Variants in GPR160 observed in about 807,000 individuals in gnomAD.
GPR160 encodes the protein G protein-coupled receptor 160.
GPR160 carries 2 observed loss-of-function variants against 2.6 expected under a neutral mutation model. The ratio of observed to expected loss-of-function variants is 0.77; its 90% CI spans 0.32 to 2.44. GPR160 has a LOEUF of 2.44. Among genes scored for constraint, GPR160 ranks in the 30% most tolerant of loss-of-function variants. The probability of loss-of-function intolerance (pLI) is 0.11; values close to 1 mark genes in which losing one functional copy is unlikely to be tolerated. For missense variants in GPR160, 351 were observed against 383.6 expected, an observed-to-expected ratio of 0.91 and a Z score of 0.71; for synonymous variants, 130 against 132.2, an observed-to-expected ratio of 0.98 and a Z score of 0.12.
intron 2 of GPR160, among the ~76,000 whole-genome samples, chr3:170,064,099 TG>T (rs200681576): frequency 5.9e-5 from 9 of 151,484 alleles, no homozygotes; most frequent in South Asian, 2.1e-4. Flanking sequence ...TGTATTTTTT[TG>T]GGGGGGGCAT....
intron 2 of GPR160, among the ~76,000 whole-genome samples, chr3:170,046,520 A>T (rs1309035292): frequency 6.6e-6 from 1 of 152,138 alleles, no homozygotes; most frequent in African/African-American, 2.4e-5. Flanking sequence ...ACCTGGGGAT[A>T]AGCATATCTA....
intron 2 of GPR160, among the ~76,000 whole-genome samples, chr3:170,065,431 A>T (rs769066078): frequency 3.3e-5 from 5 of 152,194 alleles, no homozygotes; most frequent in Non-Finnish European, 7.3e-5. Context: ...TGCCTAGATA[A>T]TCTTCACCAA....
intron 2 of GPR160, among the ~76,000 whole-genome samples, chr3:170,069,344 T>C (rs143756878): frequency 6.6e-4 from 101 of 152,358 alleles, no homozygotes; most frequent in African/African-American, 2.0e-3. Context: ...GAGGTATAAA[T>C]TGGGTTGCGA....
intron 2 of GPR160, among the ~76,000 whole-genome samples, chr3:170,070,785 C>T (rs1379943402): frequency 6.6e-6 from 1 of 152,148 alleles, no homozygotes; most frequent in Non-Finnish European, 1.5e-5. Flanking sequence ...AAAGAAGGCA[C>T]TGTTCATTGG....
intron 2 of GPR160, among the ~76,000 whole-genome samples, chr3:170,066,331 G>A (rs570969214): frequency 2.0e-5 from 3 of 151,330 alleles, no homozygotes; most frequent in Non-Finnish European, 2.9e-5. Flanking sequence ...TAGTAGAGAC[G>A]GGTTTCACCA....
chr3:170,041,402 C>T (rs1716446466), intron 2 of GPR160, among the ~76,000 whole-genome samples: 2 of 150,688 alleles, frequency 1.3e-5, no homozygotes, highest in East Asian at 2.0e-4. Context: ...CCCGGGTTCA[C>T]GCCATTCTCC....
At position 170,042,139 on chromosome 3, in the gene GPR160, T is replaced by C. The variant is rs79258667; in HGVS notation, c.-193+3096T>C. 2.6e-5 allele frequency among the ~76,000 whole-genome samples: 4 copies of C among 152,314 alleles called. No individual in the cohort carries two copies. In the East Asian group the frequency reaches 7.7e-4, roughly 29 times the overall value. ...TCATCTGCATCACCTCATCCCATCC[T>C]GTGAGGCGAAGCAGTGGTGATAGAG... is the stretch of plus-strand genomic sequence containing the variant. On this transcript the variant is annotated intron_variant, in intron 2 of 3. Coordinates refer to ENST00000355897, the MANE Select transcript of GPR160 (RefSeq NM_014373.3).
intron 2 of GPR160, among the ~76,000 whole-genome samples, chr3:170,071,660 G>A (rs867564265): frequency 6.6e-5 from 10 of 152,152 alleles, no homozygotes; most frequent in African/African-American, 2.4e-4. Context: ...GCCGGGCATG[G>A]TGGTACATGC....
At chr3:170,054,345 A>G (rs963164901) in intron 2 of GPR160, among the ~76,000 whole-genome samples, 2 of 152,100 alleles carry the variant, frequency 1.3e-5, no homozygotes, top group Non-Finnish European at 2.9e-5. Context: ...TATCCAGAAA[A>G]CTGTCTCTTC....
intron 2 of GPR160, among the ~76,000 whole-genome samples, chr3:170,052,929 G>A (rs535751773): frequency 2.0e-5 from 3 of 151,462 alleles, no homozygotes; most frequent in Non-Finnish European, 2.9e-5. Context: ...TTTTTCATAC[G>A]GTTATCCAGT....
chr3:170,046,728 CT>C (rs1472692724), intron 2 of GPR160, among the ~76,000 whole-genome samples: 1 of 152,104 alleles, frequency 6.6e-6, no homozygotes, highest in Non-Finnish European at 1.5e-5. Flanking sequence ...AAAGGGCTAT[CT>C]GGTTTGATCT....
Position 170,084,317 on chromosome 3 carries a change from A to G in GPR160, c.345A>G (p.Thr115=). Residue 115 remains threonine (T), a synonymous_variant, in exon 4 of 4, where the codon ACA becomes ACG. Coordinates refer to ENST00000355897, the MANE Select transcript of GPR160 (RefSeq NM_014373.3). ...TTTTGCATTATCCAGTTTTCCTGACAGCTTGTATAGATTATTGCCTGAATT... is the reference window on the plus strand; with the variant it reads ...TTTTGCATTATCCAGTTTTCCTGACGGCTTGTATAGATTATTGCCTGAATT... The part of the protein sequence containing the change: ...YGFLHYPVFL[T]ACIDYCLNFS... 1 of 1,608,402 alleles carries G rather than the reference A, an allele frequency of 6.2e-7. No homozygotes were observed. The highest frequency in any genetic ancestry group is 8.5e-7 in the Non-Finnish European group (1 of 1,176,578).
chr3:170,073,792 T>C (rs1712714066), intron 2 of GPR160, among the ~76,000 whole-genome samples: 1 of 152,106 alleles, frequency 6.6e-6, no homozygotes, highest in African/African-American at 2.4e-5. Context: ...TTTCCCTAAA[T>C]GCTTGATAGA....
intron 2 of GPR160, among the ~76,000 whole-genome samples, chr3:170,040,149 C>A (rs1321216530): frequency 6.6e-6 from 1 of 152,156 alleles, no homozygotes; most frequent in Non-Finnish European, 1.5e-5. Context: ...TATTAACAAA[C>A]CTGCACATTC....
chr3:170,084,557 A>G lies in GPR160; in HGVS notation c.585A>G (p.Val195=). 1 of 1,612,482 alleles carries G rather than the reference A, an allele frequency of 6.2e-7. No homozygotes were observed. Among genetic ancestry groups the G allele is most frequent in the East Asian group, 2.2e-5 (1 of 44,844 alleles). The change falls in exon 4 of 4, where the codon GTA becomes GTG. Residue 195 remains valine, a synonymous_variant. Transcript: ENST00000355897. ...TTTTCATGGTGATGATTTTATTTGT[A>G]GCTTTCATAACCTGTTGGGAAGAAG... ...LSFFMVMILF[V]AFITCWEEVT... is the part of the protein sequence containing the mutation.
chr3:170,081,154 A>G (rs2108195672), intron 3 of GPR160, among the ~76,000 whole-genome samples: 1 of 152,256 alleles, frequency 6.6e-6, no homozygotes, highest in Admixed American at 6.5e-5. Context: ...TTAAACCAAC[A>G]TTGGTTGTTT....
chr3:170,072,273 C>T (rs756338136), intron 2 of GPR160, among the ~76,000 whole-genome samples: 2 of 151,922 alleles, frequency 1.3e-5, no homozygotes, highest in African/African-American at 2.4e-5. Context: ...TGGGGTTTCA[C>T]CAGTTTGGCC....
intron 2 of GPR160, among the ~76,000 whole-genome samples, chr3:170,042,362 A>C (rs1716486884): frequency 6.7e-6 from 1 of 149,828 alleles, no homozygotes; most frequent in Admixed American, 6.8e-5. Context: ...TTGAGGCTGC[A>C]GTGAGCCGTG....
intron 2 of GPR160, chr3:170,057,884 A>T (rs1013027279): frequency 6.6e-6 from 1 of 152,258 alleles, no homozygotes; most frequent in Non-Finnish European, 1.5e-5. Flanking sequence ...AAGATACAGC[A>T]ATCGAAAACT....
Sources: allele counts gnomAD v4.1 joint callset (sites outside exome capture counted in the v4.1 genomes callset), GRCh38; gene constraint gnomAD v4.1.1; transcripts MANE v1.5; gene names NCBI Gene and HGNC (gene_info 2026-07-23, HGNC 2026-07-21).